Variants in STIP1 observed in about 807,000 individuals in gnomAD.
The protein encoded by STIP1 is stress induced phosphoprotein 1.
STIP1 carries 16 observed loss-of-function variants against 77.4 expected under a neutral mutation model. The observed-to-expected ratio is 0.21, with a 90% confidence interval of 0.14 to 0.31. STIP1 has a LOEUF of 0.31. Ranked by LOEUF, STIP1 falls within the 10% of genes least tolerant of loss-of-function variation. STIP1 has a pLI of 1.00. For missense variants in STIP1, 524 were observed against 684.8 expected, an observed-to-expected ratio of 0.77 and a Z score of 2.62; for synonymous variants, 258 against 246.6, an observed-to-expected ratio of 1.05 and a Z score of -0.44.
upstream of STIP1, chr11:64,186,158 C>G: frequency 4.5e-6 from 7 of 1,550,780 alleles, no homozygotes; most frequent in Non-Finnish European, 6.1e-6. Context: ...GGGGCGGGAG[C>G]CGGGGTCCCG....
intron 1 of STIP1, among the ~76,000 whole-genome samples, chr11:64,188,037 C>CAAA (rs34070761): frequency 1.1e-4 from 8 of 72,172 alleles, no homozygotes; most frequent in African/African-American, 4.0e-4. Flanking sequence ...GACTCCGTCT[C>CAAA]AAAAAAAAAA....
rs1336199468 is a variant in STIP1 at position 64,203,120 on chromosome 11, T to C, written c.1283-5T>C. The C allele has an allele frequency of 1.2e-6, 2 of 1,614,160 alleles. No homozygotes were observed. Among genetic ancestry groups the C allele is most frequent in the Admixed American group, 3.3e-5 (2 of 60,026 alleles). The stretch of plus-strand genomic sequence containing the variant: ...TGGATAACGCGCCACCTTTCCTGTT[T>C]GTAGTCAAGGGTTATACACGGAAAG... On this transcript the variant is annotated splice_region_variant and splice_polypyrimidine_tract_variant and intron_variant, in intron 11 of 13. Transcript: ENST00000305218.
intron 5 of STIP1, among the ~76,000 whole-genome samples, chr11:64,196,585 C>T (rs1591010682): frequency 6.6e-6 from 1 of 152,066 alleles, no homozygotes; most frequent in East Asian, 1.9e-4. Flanking sequence ...AGAATGTTGT[C>T]CACATCAATC....
At chr11:64,198,509 C>G (rs1032237537) in intron 8 of STIP1, among the ~76,000 whole-genome samples, 1 of 152,254 alleles carries the variant, frequency 6.6e-6, no homozygotes, top group South Asian at 2.1e-4. Context: ...CTGGCCACGT[C>G]CAGCTAATTT....
At chr11:64,200,874 G>A (rs917444324) in intron 10 of STIP1, among the ~76,000 whole-genome samples, 4 of 151,438 alleles carry the variant, frequency 2.6e-5, no homozygotes, top group Non-Finnish European at 5.9e-5. Context: ...GCACAATCTC[G>A]GCTCACTGCA....
At chr11:64,197,765 C>T (rs2134800005) in intron 7 of STIP1, 89 bp from the exon 8 acceptor site, 12 of 1,569,872 alleles carry the variant, frequency 7.6e-6, no homozygotes, top group South Asian at 4.7e-5. Flanking sequence ...GGCAGTGATG[C>T]GGGCCTTTCT....
chr11:64,197,552 G>C lies in STIP1; in HGVS notation c.859G>C (p.Glu287Gln). The change falls in exon 7 of 14, where the codon GAA becomes CAA. Residue 287 changes from glutamate (E) to glutamine (Q), a missense_variant. Transcript: ENST00000305218. ...CCGGGAGCTTTGTGAGAAGGCCATT[G>C]AAGTGGGGAGAGAAAACCGAGAAGA... is the stretch of plus-strand genomic sequence containing the variant. ...KCRELCEKAI[E>Q]VGRENREDYR... 1.2e-6 allele frequency: 2 copies of C among 1,614,216 alleles called. No individual in the cohort carries two copies. Among genetic ancestry groups the C allele is most frequent in the East Asian group, 4.5e-5 (2 of 44,894 alleles).
At chr11:64,185,654 CG>C, upstream of STIP1, 1 of 911,776 alleles carries the variant, frequency 1.1e-6, no homozygotes, top group South Asian at 1.8e-5. Context: ...CCAGAGGCCC[CG>C]CAGCCGCCGG....
At position 64,194,498 on chromosome 11, in the gene STIP1, T is replaced by C. The variant is rs141725167; in HGVS notation, c.381T>C (p.Pro127=). 2.0e-5 allele frequency: 32 copies of C among 1,614,062 alleles called. No homozygotes were observed. The highest frequency in any genetic ancestry group is 2.5e-5 in the Non-Finnish European group (30 of 1,180,034). Residue 127 remains proline, a synonymous_variant, in exon 4 of 14, where the codon CCT becomes CCC. Coordinates refer to ENST00000305218, the MANE Select transcript of STIP1 (RefSeq NM_006819.3). ...GGACAGAGAGAAAATTCATGAACCC[T>C]TTCAACATGCCTAATCTGTATCAGA... The part of the protein sequence containing the change: ...ARLAERKFMN[P]FNMPNLYQKL...
intron 10 of STIP1, 53 bp from the exon 11 acceptor site, chr11:64,202,823 A>G: frequency 6.2e-7 from 1 of 1,610,710 alleles, no homozygotes; most frequent in Non-Finnish European, 8.5e-7. Context: ...AGTTGCCTGT[A>G]CTGAGCTTGT....
At position 64,204,208 on chromosome 11, in the gene STIP1, A is replaced by G; in HGVS notation, c.*82A>G. 7.2e-7 allele frequency: 1 copy of G among 1,393,808 alleles called. No homozygotes were observed. The highest frequency in any genetic ancestry group is 1.2e-5 in the South Asian group (1 of 83,954). The allele number at this position is 1,393,808 out of a possible 1,614,324, so 86.3% of individuals were successfully genotyped here. A position where few individuals can be genotyped will look rare whatever the true frequency, so the allele number is the denominator to read the frequency against. On this transcript the variant is annotated 3_prime_UTR_variant, in exon 14 of 14. Coordinates refer to ENST00000305218, the MANE Select transcript of STIP1 (RefSeq NM_006819.3). ...CGGCGAGCAGCACGGAGCGGAAGGG[A>G]GAGCAGGGGAGAGAAGGCCTCATCT...
At chr11:64,185,451 G>A (rs565895312), upstream of STIP1, 6 of 275,932 alleles carry the variant, frequency 2.2e-5, no homozygotes, top group Non-Finnish European at 4.2e-5. Flanking sequence ...GAACCTAACA[G>A]CCAGGAGGCA....
chr11:64,186,781 A>ATC (rs540398182), intron 1 of STIP1, among the ~76,000 whole-genome samples: 2 of 152,170 alleles, frequency 1.3e-5, no homozygotes, highest in Non-Finnish European at 2.9e-5. Flanking sequence ...GTAGCCGAGG[A>ATC]TCTTAGCAGC....
At chr11:64,194,128 T>G in intron 2 of STIP1, 61 bp from the exon 3 acceptor site, 1 of 1,562,460 alleles carries the variant, frequency 6.4e-7, no homozygotes, top group Non-Finnish European at 8.6e-7. Context: ...CTTTTTTGAG[T>G]TCGTCTTCTA....
chr11:64,197,011 A>G, intron 5 of STIP1: 1 of 453,988 alleles, frequency 2.2e-6, no homozygotes, highest in Middle Eastern at 6.2e-4. Context: ...CTCTCCCCTA[A>G]AGAAGCGCTC....
chr11:64,203,092 G>A lies in STIP1; in HGVS notation c.1283-33G>A, dbSNP rs149788460. 3.7e-4 allele frequency: 602 copies of A among 1,612,604 alleles called. 3 individuals carry two copies. The African/African-American group carries it at 6.6e-3, about 18-fold the overall frequency. On this transcript the variant is annotated intron_variant, in intron 11 of 13. Transcript: ENST00000305218. ...TGCAAGGAGCAGCCTTGGGCGCTGC[G>A]GTTGGATAACGCGCCACCTTTCCTG... is the stretch of plus-strand genomic sequence containing the variant.
At chr11:64,188,053 A>T (rs1230980063) in intron 1 of STIP1, among the ~76,000 whole-genome samples, 2 of 151,262 alleles carry the variant, frequency 1.3e-5, no homozygotes, top group Admixed American at 1.3e-4. Flanking sequence ...AAAAAAAAAA[A>T]AAAAGGATCT....
At position 64,197,251 on chromosome 11, in the gene STIP1, C is replaced by G; in HGVS notation, c.673-20C>G. 1 of 1,613,324 alleles carries G rather than the reference C, an allele frequency of 6.2e-7. No individual in the cohort carries two copies. Among genetic ancestry groups the G allele is most frequent in the Admixed American group, 1.7e-5 (1 of 59,812 alleles). ...ACCTGAGTTAGATTTGCTCAGCACT[C>G]ACTTCTAAACCTCATCTAGGCACTG... On this transcript the variant is annotated intron_variant, in intron 5 of 13. Coordinates refer to ENST00000305218, the MANE Select transcript of STIP1 (RefSeq NM_006819.3).
rs776425795 is a variant in STIP1 at position 64,203,515 on chromosome 11, T to C, written c.1452T>C (p.Asp484=). Residue 484 remains aspartate, a synonymous_variant, in exon 13 of 14, where the codon GAT becomes GAC. Transcript: ENST00000305218. Reference sequence around the variant, plus strand: ...ACAACCGGCACGACAGCCCCGAAGATGTGAAGCGACGAGCCATGGCCGACC... The same window carrying C: ...ACAACCGGCACGACAGCCCCGAAGACGTGAAGCGACGAGCCATGGCCGACC... ...AQYNRHDSPE[D]VKRRAMADPE... 4 of 1,613,994 alleles carry C rather than the reference T, an allele frequency of 2.5e-6. No homozygotes were observed. The highest frequency in any genetic ancestry group is 1.7e-5 in the Admixed American group (1 of 60,010).
Sources: allele counts gnomAD v4.1 joint callset (sites outside exome capture counted in the v4.1 genomes callset), GRCh38; gene constraint gnomAD v4.1.1; transcripts MANE v1.5; gene names NCBI Gene and HGNC (gene_info 2026-07-23, HGNC 2026-07-21).